SIPA1L2: variants seen among roughly 807,000 people sequenced by gnomAD.
The protein encoded by SIPA1L2 is signal-induced proliferation-associated 1-like protein 2.
In SIPA1L2, 56 loss-of-function variants were observed where a neutral mutation model predicts 163.9. That is an observed-to-expected ratio of 0.34 (90% CI 0.28 to 0.43). SIPA1L2 has a LOEUF of 0.43. Among genes scored for constraint, SIPA1L2 ranks in the 20% least tolerant of loss-of-function variants. The pLI is 1.00. For missense variants in SIPA1L2, 1,974 were observed against 2,193.5 expected, an observed-to-expected ratio of 0.90 and a Z score of 2.00; for synonymous variants, 877 against 865.7, an observed-to-expected ratio of 1.01 and a Z score of -0.23.
chr1:232,493,140 G>C (rs1338350882), intron 4 of SIPA1L2, among the ~76,000 whole-genome samples: 1 of 152,060 alleles, frequency 6.6e-6, no homozygotes, highest in African/African-American at 2.4e-5. Flanking sequence ...CTCTCTCTCT[G>C]TCCTGGTCCA....
At chr1:232,574,380 C>G (rs1659965597) in intron 1 of SIPA1L2, among the ~76,000 whole-genome samples, 158 bp from the exon 2 acceptor site, 2 of 152,118 alleles carry the variant, frequency 1.3e-5, no homozygotes, top group Admixed American at 1.3e-4. Context: ...TCTTCTCTCC[C>G]CAGTGTTCGA....
chr1:232,436,745 G>A (rs1006183632), intron 15 of SIPA1L2, among the ~76,000 whole-genome samples: 17 of 152,192 alleles, frequency 1.1e-4, no homozygotes, highest in Non-Finnish European at 2.2e-4. Flanking sequence ...AGAAAACAAG[G>A]CAAATGCTGT....
At chr1:232,462,098 G>A in intron 9 of SIPA1L2, 1 of 906,844 alleles carries the variant, frequency 1.1e-6, no homozygotes, top group Admixed American at 2.0e-5. Flanking sequence ...AGAGTCAACA[G>A]CAGTTCCACA....
intron 6 of SIPA1L2, 22 bp from the exon 7 acceptor site, chr1:232,479,752 A>G (rs375842530): frequency 1.3e-4 from 204 of 1,597,376 alleles, no homozygotes; most frequent in Non-Finnish European, 1.6e-4. Context: ...GATGAATTAC[A>G]GAAGCAAGGT....
intron 3 of SIPA1L2, among the ~76,000 whole-genome samples, chr1:232,495,823 A>T (rs1204018604): frequency 1.3e-5 from 2 of 152,212 alleles, no homozygotes; most frequent in Admixed American, 6.5e-5. Flanking sequence ...GCCAAAAAAA[A>T]GTTCAGAAAA....
At chr1:232,499,366 T>C in intron 3 of SIPA1L2, among the ~76,000 whole-genome samples, 1 of 152,144 alleles carries the variant, frequency 6.6e-6, no homozygotes, top group East Asian at 1.9e-4. Flanking sequence ...AACACACGAT[T>C]AAGAAGCAAA....
intron 18 of SIPA1L2, among the ~76,000 whole-genome samples, chr1:232,423,686 G>A (rs1661709953): frequency 6.6e-6 from 1 of 152,212 alleles, no homozygotes; most frequent in Non-Finnish European, 1.5e-5. Context: ...TGAATGAACA[G>A]TATAACTTGA....
In SIPA1L2 at chr1:232,514,210, C is replaced by T. The variant is rs78479224; in HGVS notation, c.1130G>A (p.Cys377Tyr). ...TQMPTGQTGN[C>Y]ESPLGSKEDL... Reference sequence around the variant, plus strand: ...CTCCTTGCTCCCTAAAGGGGACTCACAGTTGCCTGTCTGGCCCGTAGGCAT... The same window carrying T: ...CTCCTTGCTCCCTAAAGGGGACTCATAGTTGCCTGTCTGGCCCGTAGGCAT... The change falls in exon 3 of 23, where the codon TGT (cysteine) becomes TAT (tyrosine). Residue 377 changes from cysteine to tyrosine, a missense_variant. By Grantham distance (194) the Cys-to-Tyr change is radical (BLOSUM62 -2). Coordinates refer to ENST00000674635, the MANE Select transcript of SIPA1L2 (RefSeq NM_020808.5). The T allele has an allele frequency of 5.6e-4, 906 of 1,614,246 alleles. 6 individuals are homozygous for T. The African/African-American group carries it at 0.011, about 19-fold the overall frequency.
Position 232,441,852 on chromosome 1 carries a change from G to C in SIPA1L2, c.3454C>G (p.Leu1152Val). The change falls in exon 13 of 23, where the codon CTG becomes GTG. Residue 1152 changes from leucine to valine, a missense_variant. Around this residue, in one of 3 missense-constraint regions of SIPA1L2, gnomAD observed 1,079 missense variants for 1,150.7 expected, o/e 0.94. Coordinates refer to ENST00000674635, the MANE Select transcript of SIPA1L2 (RefSeq NM_020808.5). ...VGYDGCQSPL[L>V]LEHQGSGPLE... The stretch of plus-strand genomic sequence containing the variant: ...GGGCCTGAGCCCTGGTGTTCGAGCA[G>C]TAGAGGGGACTGGCACCTGAAAAGA... The C allele has an allele frequency of 6.2e-7, 1 of 1,612,778 alleles. No individual in the cohort carries two copies. Among genetic ancestry groups the C allele is most frequent in the Non-Finnish European group, 8.5e-7 (1 of 1,179,420 alleles).
At chr1:232,571,027 T>A (rs766347085) in intron 2 of SIPA1L2, among the ~76,000 whole-genome samples, 2 of 149,230 alleles carry the variant, frequency 1.3e-5, no homozygotes, top group Middle Eastern at 3.5e-3. Context: ...TCAAAACTAC[T>A]CTATTGCAAA....
chr1:232,624,994 C>G (rs73099542), intron 1 of SIPA1L2, among the ~76,000 whole-genome samples: 2,802 of 152,286 alleles, frequency 0.018, 88 homozygotes, highest in African/African-American at 0.062. Flanking sequence ...CCTAGTGTCT[C>G]AATCCAGTCA....
intron 5 of SIPA1L2, among the ~76,000 whole-genome samples, chr1:232,488,635 C>T (rs964218666): frequency 2.0e-5 from 3 of 152,194 alleles, no homozygotes; most frequent in African/African-American, 4.8e-5. Context: ...CCATGAACTA[C>T]TACTAGAGAT....
intron 3 of SIPA1L2, among the ~76,000 whole-genome samples, chr1:232,511,467 A>G (rs115310676): frequency 0.019 from 2,825 of 152,356 alleles, 93 homozygotes; most frequent in African/African-American, 0.063. Flanking sequence ...TGTTGTCATA[A>G]TGTGATTACA....
chr1:232,626,480 CT>C (rs1663085791), intron 1 of SIPA1L2, among the ~76,000 whole-genome samples: 1 of 152,158 alleles, frequency 6.6e-6, no homozygotes, highest in Admixed American at 6.5e-5. Flanking sequence ...GAGTCAAGAT[CT>C]GGCTCCCTTC....
intron 2 of SIPA1L2, among the ~76,000 whole-genome samples, chr1:232,537,963 C>T (rs1657414645): frequency 6.6e-6 from 1 of 152,156 alleles, no homozygotes; most frequent in Non-Finnish European, 1.5e-5. Flanking sequence ...TCCTAAATGA[C>T]AAAAATAACC....
At position 232,565,960 on chromosome 1, in the gene SIPA1L2, A is replaced by C. The variant is rs566448019; in HGVS notation, c.-270+8214T>G. Among the ~76,000 whole-genome samples, 5 of 152,340 alleles carry C rather than the reference A, an allele frequency of 3.3e-5. No individual in the cohort carries two copies. The East Asian group carries it at 9.7e-4, about 29-fold the overall frequency. On this transcript the variant is annotated intron_variant, in intron 2 of 22. Transcript: ENST00000674635. ...TACCCTCCCACTGAAATAGACATGA[A>C]GGTGATGATTACATTATAATAATTA...
At chr1:232,475,023 A>G (rs1447392908) in intron 7 of SIPA1L2, among the ~76,000 whole-genome samples, 1 of 152,244 alleles carries the variant, frequency 6.6e-6, no homozygotes, top group Non-Finnish European at 1.5e-5. Flanking sequence ...TCAGAAGCTC[A>G]TAAGAGTCAG....
At chr1:232,467,399 T>G (rs1047870707) in intron 8 of SIPA1L2, among the ~76,000 whole-genome samples, 2 of 152,108 alleles carry the variant, frequency 1.3e-5, no homozygotes, top group Non-Finnish European at 2.9e-5. Flanking sequence ...GGGATCTACA[T>G]CAGGTGTGGC....
intron 16 of SIPA1L2, among the ~76,000 whole-genome samples, 176 bp from the exon 17 acceptor site, chr1:232,428,740 T>C (rs920236656): frequency 6.6e-6 from 1 of 152,172 alleles, no homozygotes. Context: ...TTCACATTTG[T>C]GAAATGAGCT....
Sources: allele counts gnomAD v4.1 joint callset (sites outside exome capture counted in the v4.1 genomes callset), GRCh38; gene constraint gnomAD v4.1.1; regional missense constraint gnomAD v4.1.1; transcripts MANE v1.5; gene names NCBI Gene and HGNC (gene_info 2026-07-23, HGNC 2026-07-21).